The following GRID2 variants were observed in gnomAD, a reference collection of about 807,000 sequenced individuals.
GRID2 encodes glutamate ionotropic receptor delta type subunit 2.
Under a neutral mutation model 114.8 loss-of-function variants are expected in GRID2, and 33 were observed. That is an observed-to-expected ratio of 0.29 (90% CI 0.22 to 0.38). GRID2 has a LOEUF of 0.38. Ranked by LOEUF, GRID2 falls within the 10% of genes least tolerant of loss-of-function variation. The pLI is 1.00. For synonymous variants in GRID2, 505 were observed against 449.9 expected (o/e 1.12, Z -1.55); for missense variants, 1,184 against 1,257.7 (o/e 0.94, Z 0.89).
intron 2 of GRID2, among the ~76,000 whole-genome samples, chr4:93,055,829 C>T (rs113285983): frequency 2.0e-5 from 3 of 152,012 alleles, no homozygotes; most frequent in African/African-American, 7.2e-5. Flanking sequence ...GAATATGTAT[C>T]CGCTGAAATT....
intron 4 of GRID2, among the ~76,000 whole-genome samples, chr4:93,145,335 AATT>A (rs572525190): frequency 5.6e-4 from 85 of 152,224 alleles, no homozygotes; most frequent in African/African-American, 2.0e-3. Context: ...GGTATTCAGT[AATT>A]ATTTTTTTGA....
At chr4:93,496,172 T>A (rs544160809) in intron 12 of GRID2, among the ~76,000 whole-genome samples, 1 of 150,588 alleles carries the variant, frequency 6.6e-6, no homozygotes, top group African/African-American at 2.4e-5. Context: ...TACAAAAAGA[T>A]GTCGAAGGAC....
intron 11 of GRID2, among the ~76,000 whole-genome samples, chr4:93,485,346 A>T (rs1580215825): frequency 6.6e-6 from 1 of 151,002 alleles, no homozygotes; most frequent in African/African-American, 2.4e-5. Context: ...TTGTCTTTTC[A>T]CTCTCTTTAT....
chr4:93,567,206 A>G (rs1005656807), intron 13 of GRID2, among the ~76,000 whole-genome samples: 8 of 152,242 alleles, frequency 5.3e-5, no homozygotes, highest in Non-Finnish European at 1.2e-4. Flanking sequence ...AGCAATAAAC[A>G]TATACTTCAC....
rs201504311 is a variant in GRID2, at chr4:93,718,541, A to AT, written c.2361-50663dup. ...TATTTTAAGTTCCATGAAGGTAGGA[A>AT]TTTTTTCTTTTTTGTTTGATGATTC... On this transcript the variant is annotated intron_variant, in intron 14 of 15. Coordinates refer to ENST00000282020, the MANE Select transcript of GRID2 (RefSeq NM_001510.4). Among the ~76,000 whole-genome samples the AT allele has an allele frequency of 9.3e-3, 1,411 of 152,232 alleles. 20 individuals carry two copies. Among genetic ancestry groups the AT allele is most frequent in the African/African-American group, 0.032 (1,336 of 41,524 alleles).
At chr4:92,325,638 A>T (rs1726552843) in intron 1 of GRID2, among the ~76,000 whole-genome samples, 1 of 151,836 alleles carries the variant, frequency 6.6e-6, no homozygotes, top group Admixed American at 6.6e-5. Flanking sequence ...ATGACAGAAA[A>T]CACCTAGTAC....
At chr4:93,737,298 G>C (rs1361158102) in intron 14 of GRID2, among the ~76,000 whole-genome samples, 1 of 152,002 alleles carries the variant, frequency 6.6e-6, no homozygotes, top group Non-Finnish European at 1.5e-5. Context: ...TCGTGAAATT[G>C]AACATCTTTG....
intron 8 of GRID2, among the ~76,000 whole-genome samples, chr4:93,344,722 A>T (rs1426060074): frequency 6.6e-6 from 1 of 151,060 alleles, no homozygotes; most frequent in Non-Finnish European, 1.5e-5. Context: ...TCTTGAACTT[A>T]TTCATCCTGC....
chr4:93,636,160 T>C (rs1397263191), intron 14 of GRID2, among the ~76,000 whole-genome samples: 20 of 152,170 alleles, frequency 1.3e-4, no homozygotes, highest in Non-Finnish European at 2.9e-5. Flanking sequence ...AAATGACTAG[T>C]GCAAGGTGCA....
chr4:93,420,743 T>C (rs1306729677), intron 9 of GRID2, among the ~76,000 whole-genome samples: 12 of 150,204 alleles, frequency 8.0e-5, no homozygotes, highest in Non-Finnish European at 1.8e-4. Flanking sequence ...TATTTATTTA[T>C]TTATTTATTT....
intron 4 of GRID2, among the ~76,000 whole-genome samples, chr4:93,114,147 A>G (rs1001030527): frequency 3.5e-4 from 53 of 152,136 alleles, no homozygotes; most frequent in African/African-American, 1.2e-3. Context: ...ATGGAAAAAG[A>G]ATATTGATGA....
intron 1 of GRID2, among the ~76,000 whole-genome samples, chr4:92,559,664 T>A (rs1461584021): frequency 6.6e-6 from 1 of 152,158 alleles, no homozygotes; most frequent in African/African-American, 2.4e-5. Context: ...TGTCTATGCA[T>A]AAACAAAGGA....
At chr4:92,585,423 G>C (rs987398515) in intron 1 of GRID2, among the ~76,000 whole-genome samples, 2 of 151,800 alleles carry the variant, frequency 1.3e-5, no homozygotes, top group Non-Finnish European at 2.9e-5. Context: ...ATAAAGATCA[G>C]CTATCTTTGA....
intron 1 of GRID2, among the ~76,000 whole-genome samples, chr4:92,587,335 C>G (rs910477246): frequency 1.3e-5 from 2 of 151,652 alleles, no homozygotes; most frequent in Non-Finnish European, 2.9e-5. Flanking sequence ...AGATCTAGTA[C>G]CTATAGTATT....
intron 2 of GRID2, among the ~76,000 whole-genome samples, chr4:93,071,472 T>C (rs1215711926): frequency 1.3e-5 from 2 of 152,130 alleles, no homozygotes; most frequent in African/African-American, 4.8e-5. Context: ...GAGAAATAGA[T>C]ATATAAAATA....
At chr4:93,608,083 T>C (rs1452131577) in intron 13 of GRID2, among the ~76,000 whole-genome samples, 2 of 144,442 alleles carry the variant, frequency 1.4e-5, no homozygotes, top group African/African-American at 2.5e-5. Context: ...TATATGCATA[T>C]ATATACACAT....
At chr4:93,551,867 A>G (rs1466765572) in intron 13 of GRID2, among the ~76,000 whole-genome samples, 1 of 152,160 alleles carries the variant, frequency 6.6e-6, no homozygotes, top group Non-Finnish European at 1.5e-5. Flanking sequence ...CAGCTGAAAT[A>G]TTTAAATGTG....
intron 4 of GRID2, among the ~76,000 whole-genome samples, chr4:93,193,296 C>T (rs998924448): frequency 6.6e-6 from 1 of 152,076 alleles, no homozygotes; most frequent in Non-Finnish European, 1.5e-5. Flanking sequence ...TATGGTTTGG[C>T]TGTGTCCCCA....
At chr4:93,247,230 A>G (rs576355823) in intron 8 of GRID2, among the ~76,000 whole-genome samples, 150 of 152,248 alleles carry the variant, frequency 9.9e-4, no homozygotes, top group African/African-American at 3.5e-3. Context: ...GCTTGTTGTG[A>G]TGGTTAATTT....
Sources: allele counts gnomAD v4.1 joint callset (sites outside exome capture counted in the v4.1 genomes callset), GRCh38; gene constraint gnomAD v4.1.1; transcripts MANE v1.5; gene names NCBI Gene and HGNC (gene_info 2026-07-23, HGNC 2026-07-21).